Variants in EYS observed in about 807,000 individuals in gnomAD.
EYS encodes the protein EGF-like photoreceptor maintenance factor, also known as protein eyes shut homolog.
In EYS, 250 loss-of-function variants were observed where a neutral mutation model predicts 282.1. The observed-to-expected ratio is 0.89, with a 90% CI of 0.80 to 0.98. The LOEUF (loss-of-function observed/expected upper bound fraction) is 0.98. Among genes scored for constraint, EYS ranks in the 50% least tolerant of loss-of-function variants. The pLI is 0.00. For synonymous variants in EYS, 1,355 were observed against 1,282.9 expected (o/e 1.06, Z -1.20); for missense variants, 4,016 against 3,709.0 (o/e 1.08, Z -2.15).
At chr6:65,358,129 A>T in intron 8 of EYS, among the ~76,000 whole-genome samples, 1 of 152,004 alleles carries the variant, frequency 6.6e-6, no homozygotes, top group East Asian at 1.9e-4. Flanking sequence ...TTTACATGGA[A>T]GTGTTCACTT....
At chr6:64,794,660 T>C (rs1355870220) in intron 22 of EYS, among the ~76,000 whole-genome samples, 1 of 152,202 alleles carries the variant, frequency 6.6e-6, no homozygotes, top group Admixed American at 6.5e-5. Context: ...TAATACAGTG[T>C]TCATCAACAA....
intron 26 of EYS, among the ~76,000 whole-genome samples, chr6:64,469,603 C>T (rs151067570): frequency 0.01 from 1,535 of 152,198 alleles, 32 homozygotes; most frequent in East Asian, 0.081. Context: ...CTAGCGGTGA[C>T]GCCAGCTTCT....
intron 13 of EYS, among the ~76,000 whole-genome samples, chr6:65,004,796 C>T (rs9345586): frequency 0.078 from 11,505 of 147,554 alleles, 1,803 homozygotes; most frequent in East Asian, 0.17. Context: ...CTCTCTCTCT[C>T]TCTCCCTTTC....
chr6:63,789,068 C>T lies in EYS; in HGVS notation c.7568G>A (p.Gly2523Asp), dbSNP rs1266932220. ...TVHLGKFFQE[G>D]WLKVDDHKNK... ...GGAATGACTCTTTACCTTCAGCCAG[C>T]CCTCTTGGAAGAACTTGCCCAGATG... is the stretch of plus-strand genomic sequence containing the variant. The change falls in exon 38 of 43, where the codon GGC becomes GAC. Residue 2523 changes from glycine (G) to aspartate (D), a missense_variant. Gly to Asp is a moderately conservative substitution (Grantham distance 94). Transcript: ENST00000503581. 3.9e-6 allele frequency: 6 copies of T among 1,551,280 alleles called. No individual in the cohort carries two copies. The highest frequency in any genetic ancestry group is 4.4e-6 in the Non-Finnish European group (5 of 1,146,828).
At chr6:64,609,920 A>G (rs1406227562) in intron 24 of EYS, among the ~76,000 whole-genome samples, 1 of 150,774 alleles carries the variant, frequency 6.6e-6, no homozygotes, top group Non-Finnish European at 1.5e-5. Context: ...TATATTAACT[A>G]TATATAGACA....
chr6:63,827,910 A>T (rs1360053000), intron 36 of EYS, among the ~76,000 whole-genome samples: 1 of 152,114 alleles, frequency 6.6e-6, no homozygotes, highest in Non-Finnish European at 1.5e-5. Flanking sequence ...ACAGTGGAGT[A>T]AAACTTGAAA....
chr6:65,289,885 T>C (rs1029139699), intron 12 of EYS, among the ~76,000 whole-genome samples: 54 of 151,228 alleles, frequency 3.6e-4, no homozygotes, highest in African/African-American at 1.2e-3. Flanking sequence ...CAAAAAGCAA[T>C]GATTAGTAAT....
chr6:64,751,189 G>C (rs183880528), intron 22 of EYS, among the ~76,000 whole-genome samples: 35 of 152,198 alleles, frequency 2.3e-4, no homozygotes, highest in Admixed American at 2.2e-3. Context: ...TCCTTGCCTG[G>C]GCAGAGTTTT....
chr6:65,417,280 C>T (rs1386962688), intron 5 of EYS, among the ~76,000 whole-genome samples: 1 of 151,822 alleles, frequency 6.6e-6, no homozygotes, highest in Admixed American at 6.6e-5. Context: ...GAGAATTAAC[C>T]TCCAAAAACA....
chr6:65,198,927 A>G (rs1028820323), intron 12 of EYS, among the ~76,000 whole-genome samples: 2 of 152,014 alleles, frequency 1.3e-5, no homozygotes, highest in Admixed American at 6.6e-5. Context: ...TCTCCTAAGT[A>G]TTTGGCTTGA....
chr6:65,427,800 T>C (rs1767718936), intron 5 of EYS, among the ~76,000 whole-genome samples: 1 of 152,044 alleles, frequency 6.6e-6, no homozygotes. Flanking sequence ...AAATGCAATA[T>C]ATGATTTATT....
Position 65,605,808 on chromosome 6 carries a change from G to A in EYS, c.-333+33970C>T, listed in dbSNP as rs150162827. Among the ~76,000 whole-genome samples the A allele has an allele frequency of 4.1e-4, 63 of 151,856 alleles. 1 individual carries two copies. The East Asian group carries it at 0.012, about 28-fold the overall frequency. On this transcript the variant is annotated intron_variant, in intron 2 of 42. Coordinates refer to ENST00000503581, the MANE Select transcript of EYS (RefSeq NM_001142800.2). ...GAAAAATTATGTTGAATAAATATGT[G>A]TGTGTATGTGTGTATATATTTATAT...
In EYS at chr6:64,814,668, G is replaced by T. The variant is rs944713817; in HGVS notation, c.3244-1091C>A. Among the ~76,000 whole-genome samples the T allele has an allele frequency of 3.3e-5, 5 of 152,080 alleles. No individual in the cohort carries two copies. In the South Asian group the frequency reaches 1.0e-3, roughly 32 times the overall value. On this transcript the variant is annotated intron_variant, in intron 21 of 42. Coordinates refer to ENST00000503581, the MANE Select transcript of EYS (RefSeq NM_001142800.2). The stretch of plus-strand genomic sequence containing the variant: ...TATTTTTCATAATGTAAACTGAAAA[G>T]ATTTGCACCCATAATTCTGAGAACT...
chr6:64,323,495 G>T (rs1229128778), intron 29 of EYS, among the ~76,000 whole-genome samples: 1 of 151,956 alleles, frequency 6.6e-6, no homozygotes, highest in African/African-American at 2.4e-5. Flanking sequence ...GTACAGATTT[G>T]TGTGTGGACA....
intron 13 of EYS, among the ~76,000 whole-genome samples, chr6:65,001,556 A>G (rs761641447): frequency 2.0e-5 from 3 of 147,962 alleles, no homozygotes; most frequent in Non-Finnish European, 4.5e-5. Flanking sequence ...TGGCAAGCCA[A>G]AAGGCAACTT....
rs1335725774 is a variant in EYS at position 64,802,025 on chromosome 6, TTTTTTTTC to T, written c.3443+11345_3443+11352del. Among the ~76,000 whole-genome samples the T allele has an allele frequency of 9.9e-5, 11 of 111,132 alleles. No individual in the cohort carries two copies. In the South Asian group the frequency reaches 1.0e-3, roughly 11 times the overall value. 72.9% of individuals were successfully genotyped at this position (111,132 alleles called of 152,430 possible). On this transcript the variant is annotated intron_variant, in intron 22 of 42. Transcript: ENST00000503581. ...AGAGTTATAACAAATTTCTTTTTCT[TTTTTTTTC>T]TTTTTTTTTTTTTTTTTTGAGACGG...
Position 64,616,180 on chromosome 6 carries a change from G to A in EYS, c.3684+1238C>T, listed in dbSNP as rs77228826. The stretch of plus-strand genomic sequence containing the variant: ...TAAGGCTGCACTGGCAGAAGACATA[G>A]TTAAATAAAAGACACATCTCAGTAT... On this transcript the variant is annotated intron_variant, in intron 24 of 42. Coordinates refer to ENST00000503581, the MANE Select transcript of EYS (RefSeq NM_001142800.2). Among the ~76,000 whole-genome samples, 1,427 of 152,198 alleles carry A rather than the reference G, an allele frequency of 9.4e-3. 21 individuals are homozygous for A. Among genetic ancestry groups the A allele is most frequent in the South Asian group, 0.048 (230 of 4,824 alleles).
At chr6:64,260,388 CCTAA>C (rs1767548904) in intron 30 of EYS, among the ~76,000 whole-genome samples, 1 of 152,030 alleles carries the variant, frequency 6.6e-6, no homozygotes, top group African/African-American at 2.4e-5. Flanking sequence ...TGGATTTCAT[CCTAA>C]CTAATATTGG....
At chr6:64,877,753 A>T (rs1313045504) in intron 19 of EYS, among the ~76,000 whole-genome samples, 1 of 152,206 alleles carries the variant, frequency 6.6e-6, no homozygotes, top group Non-Finnish European at 1.5e-5. Flanking sequence ...TTCAATAGAC[A>T]GCAGGTTTCA....
Sources: gnomAD v4.1 joint callset for allele counts (sites outside exome capture counted in the v4.1 genomes callset) on GRCh38, gnomAD v4.1.1 for gene constraint, MANE v1.5 for transcripts, NCBI Gene and HGNC (gene_info 2026-07-23, HGNC 2026-07-21) for gene names.